Variants in MAF observed in about 807,000 individuals in gnomAD.
The protein encoded by MAF is transcription factor Maf.
Under a neutral mutation model 22.0 loss-of-function variants are expected in MAF, and 10 were observed. That is an observed-to-expected ratio of 0.45 (90% CI 0.28 to 0.77). MAF has a LOEUF of 0.77. MAF is among the 30% of genes least tolerant of loss of function. MAF has a pLI of 0.12. For missense variants in MAF, 544 were observed against 548.4 expected, an observed-to-expected ratio of 0.99 and a Z score of 0.08; for synonymous variants, 337 against 255.8, an observed-to-expected ratio of 1.32 and a Z score of -3.03.
the MAF span, among the ~76,000 whole-genome samples, chr16:79,471,420 G>C: frequency 6.6e-6 from 1 of 152,206 alleles, no homozygotes. Context: ...CACTTTGGGA[G>C]GCCAAGGCAG....
At chr16:79,524,296 G>C in the MAF span, among the ~76,000 whole-genome samples, 5 of 152,210 alleles carry the variant, frequency 3.3e-5, no homozygotes, top group African/African-American at 9.6e-5. Context: ...TTCTTGCTCA[G>C]ATTGCCTGCT....
chr16:79,238,000 C>G, the MAF span, among the ~76,000 whole-genome samples: 1 of 152,106 alleles, frequency 6.6e-6, no homozygotes, highest in African/African-American at 2.4e-5. Context: ...CTCTACTGAC[C>G]TGGCCTGTGT....
the MAF span, among the ~76,000 whole-genome samples, chr16:79,304,320 G>A: frequency 6.6e-6 from 1 of 152,140 alleles, no homozygotes; most frequent in African/African-American, 2.4e-5. Flanking sequence ...CTGTAACACG[G>A]GCTAATGATG....
chr16:79,511,673 A>G, the MAF span, among the ~76,000 whole-genome samples: 1 of 152,284 alleles, frequency 6.6e-6, no homozygotes, highest in African/African-American at 2.4e-5. Context: ...CCATTTATTG[A>G]GTGCTCACCA....
chr16:79,487,975 G>C, the MAF span, among the ~76,000 whole-genome samples: 1 of 152,204 alleles, frequency 6.6e-6, no homozygotes, highest in African/African-American at 2.4e-5. Context: ...AAGGAAATTA[G>C]ACAGCCTGTC....
chr16:79,373,526 G>A, the MAF span, among the ~76,000 whole-genome samples: 1 of 151,744 alleles, frequency 6.6e-6, no homozygotes, highest in Non-Finnish European at 1.5e-5. Context: ...GGAATTGCAG[G>A]CATGTGCCAC....
chr16:79,503,395 TA>T, the MAF span, among the ~76,000 whole-genome samples: 1 of 152,206 alleles, frequency 6.6e-6, no homozygotes, highest in Non-Finnish European at 1.5e-5. Context: ...AAGAGCTTTA[TA>T]AAAAATTTTG....
the MAF span, among the ~76,000 whole-genome samples, chr16:79,567,663 C>A: frequency 6.6e-6 from 1 of 152,220 alleles, no homozygotes; most frequent in South Asian, 2.1e-4. Flanking sequence ...GGGCTTGGCA[C>A]AAGGCCTTGC....
chr16:79,218,080 C>G, the MAF span, among the ~76,000 whole-genome samples: 3 of 143,972 alleles, frequency 2.1e-5, no homozygotes, highest in South Asian at 6.8e-4. Flanking sequence ...TATATCCAAG[C>G]TAGTTTAGCT....
At chr16:79,311,458 C>A in the MAF span, among the ~76,000 whole-genome samples, 1 of 148,912 alleles carries the variant, frequency 6.7e-6, no homozygotes. Context: ...AAATGGGCAT[C>A]ACAGTTTTAC....
chr16:79,458,007 T>A, the MAF span, among the ~76,000 whole-genome samples: 39 of 151,974 alleles, frequency 2.6e-4, no homozygotes, highest in African/African-American at 9.2e-4. Context: ...AACTGCTCAT[T>A]AGAGATATTT....
the MAF span, among the ~76,000 whole-genome samples, chr16:79,576,222 C>T: frequency 7.9e-6 from 1 of 125,872 alleles, no homozygotes; most frequent in Non-Finnish European, 1.6e-5. Context: ...TAAAAGAGTC[C>T]TGTGGTACTA....
At chr16:79,402,007 A>C in the MAF span, among the ~76,000 whole-genome samples, 1 of 152,176 alleles carries the variant, frequency 6.6e-6, no homozygotes, top group African/African-American at 2.4e-5. Context: ...CAAAGAGGTT[A>C]AATGCCCAAA....
chr16:79,325,760 T>TCA, the MAF span, among the ~76,000 whole-genome samples: 23 of 152,354 alleles, frequency 1.5e-4, no homozygotes, highest in Admixed American at 1.0e-3. Context: ...ACCCAGTTCT[T>TCA]CACTAGCTTT....
At chr16:79,324,830 C>T in the MAF span, among the ~76,000 whole-genome samples, 1 of 152,214 alleles carries the variant, frequency 6.6e-6, no homozygotes, top group Non-Finnish European at 1.5e-5. Flanking sequence ...AATCTATTCT[C>T]TTACAGTTCT....
chr16:79,531,137 G>C, the MAF span, among the ~76,000 whole-genome samples: 1 of 152,194 alleles, frequency 6.6e-6, no homozygotes. Flanking sequence ...ACTAACATGA[G>C]ACATTTTAAT....
chr16:79,295,293 T>C, the MAF span, among the ~76,000 whole-genome samples: 1 of 152,120 alleles, frequency 6.6e-6, no homozygotes, highest in Non-Finnish European at 1.5e-5. Flanking sequence ...AATGGAGCAA[T>C]GAATGATTCG....
chr16:79,542,557 G>A, the MAF span, among the ~76,000 whole-genome samples: 4 of 152,218 alleles, frequency 2.6e-5, no homozygotes, highest in East Asian at 5.8e-4. Flanking sequence ...GGGAAAGAAA[G>A]AGGGAACTGC....
At chr16:79,414,375 C>A in the MAF span, among the ~76,000 whole-genome samples, 1 of 152,078 alleles carries the variant, frequency 6.6e-6, no homozygotes, top group African/African-American at 2.4e-5. Context: ...TTTCACATGG[C>A]AAGAGAGGGA....
Sources: gnomAD v4.1 joint callset for allele counts (sites outside exome capture counted in the v4.1 genomes callset) on GRCh38, gnomAD v4.1.1 for gene constraint, MANE v1.5 for transcripts, NCBI Gene and HGNC (gene_info 2026-07-23, HGNC 2026-07-21) for gene names.